Variants in PRKN observed in about 807,000 individuals in gnomAD.
PRKN encodes the protein parkin RBR E3 ubiquitin protein ligase.
In PRKN, 56 loss-of-function variants were observed where a neutral mutation model predicts 59.5. The observed-to-expected ratio is 0.94, with a 90% confidence interval of 0.76 to 1.18. The LOEUF (loss-of-function observed/expected upper bound fraction) is 1.18, where lower values mean the gene tolerates loss of function less well. PRKN is among the 50% of genes most tolerant of loss of function. The pLI, the probability that PRKN is intolerant of heterozygous loss-of-function variation, is 0.00. For missense variants in PRKN, 657 were observed against 596.4 expected (o/e 1.10, Z -1.06); for synonymous variants, 250 against 222.1 (o/e 1.13, Z -1.12).
chr6:161,401,889 T>G lies in PRKN; in HGVS notation c.1084-15012A>C, dbSNP rs190975653. Reference sequence around the variant, plus strand: ...AGAGAAGATGAGAGATCCAGAGGTCTGAGATGTTTGTTCACACACCAATCT... The same window carrying G: ...AGAGAAGATGAGAGATCCAGAGGTCGGAGATGTTTGTTCACACACCAATCT... On this transcript the variant is annotated intron_variant, in intron 9 of 11. Transcript: ENST00000366898. This position sits in a 1 kb window ranked among gnomAD's most constrained non-coding sequence, Gnocchi z 4.4. Among the ~76,000 whole-genome samples the G allele has an allele frequency of 2.2e-3, 334 of 152,320 alleles. 6 individuals carry two copies. The highest frequency in any genetic ancestry group is 7.7e-3 in the African/African-American group (322 of 41,568).
chr6:162,054,936 C>T (rs985683907), intron 4 of PRKN, among the ~76,000 whole-genome samples: 10 of 152,042 alleles, frequency 6.6e-5, no homozygotes, highest in African/African-American at 2.2e-4. Context: ...TTGAAGGGGG[C>T]GGATCACCTG....
chr6:161,629,158 C>T (rs994754311), intron 7 of PRKN, among the ~76,000 whole-genome samples: 6 of 152,082 alleles, frequency 3.9e-5, no homozygotes, highest in Non-Finnish European at 8.8e-5. Context: ...TGCATCTGGG[C>T]TTTGTTCAGG....
At chr6:161,749,121 T>C (rs1788565629) in intron 7 of PRKN, among the ~76,000 whole-genome samples, 1 of 152,128 alleles carries the variant, frequency 6.6e-6, no homozygotes, top group Non-Finnish European at 1.5e-5. Context: ...GGCAAGCAGG[T>C]ACGCCTAAGC....
chr6:162,401,340 G>A (rs2128149761), intron 2 of PRKN, among the ~76,000 whole-genome samples: 1 of 151,374 alleles, frequency 6.6e-6, no homozygotes, highest in East Asian at 1.9e-4. Flanking sequence ...ACTTACAATA[G>A]GTTTATATCA....
intron 2 of PRKN, among the ~76,000 whole-genome samples, chr6:162,397,627 G>C (rs1650697705): frequency 6.6e-6 from 1 of 152,142 alleles, no homozygotes; most frequent in South Asian, 2.1e-4. Flanking sequence ...TCTTCCAGCA[G>C]CGTTAAGGAG....
intron 1 of PRKN, among the ~76,000 whole-genome samples, chr6:162,652,771 C>G (rs552247606): frequency 6.6e-6 from 1 of 151,650 alleles, no homozygotes; most frequent in African/African-American, 2.4e-5. Flanking sequence ...ACTGACACTT[C>G]CTCTTTATTA....
chr6:161,435,098 A>G (rs1788820428), intron 9 of PRKN, among the ~76,000 whole-genome samples: 2 of 152,196 alleles, frequency 1.3e-5, no homozygotes, highest in African/African-American at 4.8e-5. Flanking sequence ...GTGAACAGAC[A>G]GATCTGGTGA....
chr6:161,928,160 G>C (rs1893103), intron 6 of PRKN, among the ~76,000 whole-genome samples: 54,905 of 152,094 alleles, frequency 0.36, 10,248 homozygotes, highest in Middle Eastern at 0.52. Flanking sequence ...AGAGCTCTCA[G>C]CAGAGCCTGA....
chr6:161,464,242 G>C (rs191285886), intron 9 of PRKN, among the ~76,000 whole-genome samples: 4 of 152,096 alleles, frequency 2.6e-5, no homozygotes, highest in African/African-American at 9.7e-5. Context: ...TTATACTCCC[G>C]ACCTCAGGTA....
intron 4 of PRKN, among the ~76,000 whole-genome samples, chr6:162,178,493 G>A (rs1378500670): frequency 6.6e-6 from 1 of 152,264 alleles, no homozygotes; most frequent in East Asian, 1.9e-4. Context: ...CGGTGCTCCA[G>A]ACACACACAC....
intron 2 of PRKN, among the ~76,000 whole-genome samples, chr6:162,385,118 C>A (rs9365412): frequency 0.34 from 52,089 of 151,892 alleles, 9,460 homozygotes; most frequent in East Asian, 0.65. Context: ...TTTTAAAAAA[C>A]CTGAAAATAC....
rs906854389 is a variant in PRKN, at chr6:161,470,067, A to G, written c.1083+78787T>C. Among the ~76,000 whole-genome samples, 4 of 152,184 alleles carry G rather than the reference A, an allele frequency of 2.6e-5. No individual in the cohort carries two copies. The highest frequency in any genetic ancestry group is 4.8e-5 in the African/African-American group (2 of 41,450). ...TTCACCAAGGTAGGCACTCTTAAAA[A>G]ACACCCATTTAATAGAAGAGGAAAG... On this transcript the variant is annotated intron_variant, in intron 9 of 11. Coordinates refer to ENST00000366898, the MANE Select transcript of PRKN (RefSeq NM_004562.3). This position sits in a 1 kb window ranked among gnomAD's most constrained non-coding sequence, Gnocchi z 5.1.
At chr6:161,426,181 G>T (rs1788346367) in intron 9 of PRKN, among the ~76,000 whole-genome samples, 1 of 152,162 alleles carries the variant, frequency 6.6e-6, no homozygotes, top group South Asian at 2.1e-4. Context: ...GAGAAAATGA[G>T]ATGTCCCACT....
At chr6:161,666,281 C>A (rs1485964396) in intron 7 of PRKN, among the ~76,000 whole-genome samples, 2 of 152,194 alleles carry the variant, frequency 1.3e-5, no homozygotes, top group African/African-American at 2.4e-5. Context: ...CCGAGCTCCA[C>A]CTCTTGTCAG....
At chr6:162,082,819 G>A (rs974874076) in intron 4 of PRKN, among the ~76,000 whole-genome samples, 1 of 151,996 alleles carries the variant, frequency 6.6e-6, no homozygotes, top group African/African-American at 2.4e-5. Flanking sequence ...GGGATGGTTG[G>A]TCACTGGAGC....
chr6:161,612,314 G>C (rs1782516252), intron 7 of PRKN, among the ~76,000 whole-genome samples: 1 of 152,214 alleles, frequency 6.6e-6, no homozygotes, highest in Non-Finnish European at 1.5e-5. Context: ...TCAATGACTG[G>C]CTTCAAAGCT....
intron 2 of PRKN, among the ~76,000 whole-genome samples, chr6:162,339,075 G>A (rs556565938): frequency 0.019 from 2,755 of 148,448 alleles, 51 homozygotes; most frequent in Non-Finnish European, 0.031. Context: ...CGTCTGAGAA[G>A]TGAGGAGCCC....
At chr6:162,087,087 C>A (rs1017141730) in intron 4 of PRKN, among the ~76,000 whole-genome samples, 1 of 152,258 alleles carries the variant, frequency 6.6e-6, no homozygotes, top group African/African-American at 2.4e-5. Flanking sequence ...GGTCCCCCAG[C>A]TGTCCAGTGC....
At chr6:162,418,613 A>AGTGTGTGTGTGGGTGTGTGTGT (rs1788769681) in intron 2 of PRKN, among the ~76,000 whole-genome samples, 1 of 126,324 alleles carries the variant, frequency 7.9e-6, no homozygotes, top group Non-Finnish European at 1.6e-5. Context: ...AGGGACAGAC[A>AGTGTGTGTGTGGGTGTGTGTGT]GTGTGTGTGT....
Sources: allele counts gnomAD v4.1 joint callset (sites outside exome capture counted in the v4.1 genomes callset), GRCh38; gene constraint gnomAD v4.1.1; non-coding constraint Gnocchi (gnomAD v3.1); transcripts MANE v1.5; gene names NCBI Gene and HGNC (gene_info 2026-07-23, HGNC 2026-07-21).